Variants in ST3GAL2 observed in about 807,000 individuals in gnomAD.
The protein encoded by ST3GAL2 is ST3 beta-galactoside alpha-2,3-sialyltransferase 2.
ST3GAL2 carries 16 observed loss-of-function variants against 37.5 expected under a neutral mutation model. The observed-to-expected ratio is 0.43, with a 90% confidence interval of 0.29 to 0.65. The LOEUF is 0.65. ST3GAL2 is among the 30% of genes least tolerant of loss of function. ST3GAL2 has a pLI of 0.17. For missense variants in ST3GAL2, 383 were observed against 487.8 expected (o/e 0.79, Z 2.02); for synonymous variants, 238 against 202.9 (o/e 1.17, Z -1.47).
chr16:70,384,317 C>T (rs2047426738), intron 4 of ST3GAL2, among the ~76,000 whole-genome samples: 1 of 152,146 alleles, frequency 6.6e-6, no homozygotes, highest in African/African-American at 2.4e-5. Flanking sequence ...ACACATGCTA[C>T]AACACGGATG....
intron 1 of ST3GAL2, among the ~76,000 whole-genome samples, chr16:70,424,095 T>C (rs1416353466): frequency 2.0e-5 from 3 of 150,130 alleles, no homozygotes; most frequent in Non-Finnish European, 4.4e-5. Context: ...AAAGCCATTC[T>C]CCTGCCTCAG....
intron 1 of ST3GAL2, among the ~76,000 whole-genome samples, chr16:70,418,841 T>A (rs1416115241): frequency 6.6e-6 from 1 of 151,916 alleles, no homozygotes; most frequent in Non-Finnish European, 1.5e-5. Flanking sequence ...TCTTCAACCC[T>A]CTCCTCCCCC....
chr16:70,426,121 C>T (rs74026029), intron 1 of ST3GAL2, among the ~76,000 whole-genome samples: 5,093 of 150,430 alleles, frequency 0.034, 291 homozygotes, highest in African/African-American at 0.12. Flanking sequence ...TAGAACGTAA[C>T]AGGAAGTTAG....
chr16:70,414,340 C>T (rs1196870484), intron 1 of ST3GAL2, among the ~76,000 whole-genome samples: 1 of 152,194 alleles, frequency 6.6e-6, no homozygotes, highest in Non-Finnish European at 1.5e-5. Context: ...CATTCCAGTC[C>T]ACAGAGGGAT....
intron 1 of ST3GAL2, among the ~76,000 whole-genome samples, chr16:70,410,168 A>G (rs936255557): frequency 6.3e-5 from 7 of 110,636 alleles, no homozygotes; most frequent in African/African-American, 2.6e-4. Flanking sequence ...CTTATTCAGT[A>G]TTTTGTCTAC....
rs143807275 is a variant in ST3GAL2, at chr16:70,386,613, A to G, written c.713+1754T>C. Among the ~76,000 whole-genome samples, 430 of 152,068 alleles carry G rather than the reference A, an allele frequency of 2.8e-3. 3 individuals are homozygous for G. Among genetic ancestry groups the G allele is most frequent in the African/African-American group, 9.6e-3 (399 of 41,508 alleles). On this transcript the variant is annotated intron_variant, in intron 4 of 6. Coordinates refer to ENST00000342907, the MANE Select transcript of ST3GAL2 (RefSeq NM_006927.4). ...CGGCCTCCCAAAGGGCTGGGATTAC[A>G]GGCATGAACCACCATGCCCGGCCAA...
rs535645899 is a variant in ST3GAL2, at chr16:70,398,284, C to T, written c.247G>A (p.Asp83Asn). ...CCGTCAAAGTGGCTGTCAAACCAGT[C>T]GGAGGCACCGGCATCGCCCATGCAG... ...RRCMGDAGAS[D>N]WFDSHFDGNI... The change falls in exon 2 of 7, where the codon GAC becomes AAC. Residue 83 changes from aspartate to asparagine, a missense_variant. Transcript: ENST00000342907. The T allele has an allele frequency of 2.5e-5, 40 of 1,613,314 alleles. No homozygotes were observed. The South Asian group carries it at 3.6e-4, about 15-fold the overall frequency.
At chr16:70,416,796 A>G (rs182595285) in intron 1 of ST3GAL2, among the ~76,000 whole-genome samples, 25 of 152,128 alleles carry the variant, frequency 1.6e-4, no homozygotes, top group Admixed American at 6.5e-4. Flanking sequence ...GCCTGTGGGA[A>G]AGGGGTGTGC....
At chr16:70,437,034 G>A (rs1390983432) in intron 1 of ST3GAL2, among the ~76,000 whole-genome samples, 2 of 152,152 alleles carry the variant, frequency 1.3e-5, no homozygotes, top group African/African-American at 2.4e-5. Context: ...CGAGAAGAGT[G>A]GTCCTTACCC....
chr16:70,389,202 C>CAAAAA (rs1160368910), intron 3 of ST3GAL2, among the ~76,000 whole-genome samples: 379 of 27,370 alleles, frequency 0.014, 139 homozygotes, highest in East Asian at 0.062. Context: ...CCCATCTCTA[C>CAAAAA]AAAAAAAAAA....
chr16:70,376,775 C>G lies in ST3GAL2; in HGVS notation c.*4914G>C, dbSNP rs902019965. The G allele has an allele frequency of 6.6e-6, 1 of 151,420 alleles. No individual in the cohort carries two copies. The highest frequency in any genetic ancestry group is 2.4e-5 in the African/African-American group (1 of 41,186). 9.4% of individuals were successfully genotyped at this position (151,420 alleles called of 1,614,324 possible). On this transcript the variant is annotated 3_prime_UTR_variant, in exon 7 of 7. Transcript: ENST00000342907. Reference sequence around the variant, plus strand: ...TTTTTTTTTTTGAGACGGAGTCTTACTCTGTCGCTCAGGCTGGAGTGCAGT... The same window carrying G: ...TTTTTTTTTTTGAGACGGAGTCTTAGTCTGTCGCTCAGGCTGGAGTGCAGT...
At chr16:70,405,678 G>A (rs966554165) in intron 1 of ST3GAL2, among the ~76,000 whole-genome samples, 1 of 152,156 alleles carries the variant, frequency 6.6e-6, no homozygotes, top group Non-Finnish European at 1.5e-5. Flanking sequence ...CCAGGGGCTG[G>A]AGGATAGAGA....
At chr16:70,396,479 C>G (rs2047517142) in intron 2 of ST3GAL2, among the ~76,000 whole-genome samples, 1 of 152,072 alleles carries the variant, frequency 6.6e-6, no homozygotes, top group Non-Finnish European at 1.5e-5. Flanking sequence ...GTGGCACGTG[C>G]CTGTAGTCCC....
At chr16:70,437,763 T>C (rs2047835845) in intron 1 of ST3GAL2, among the ~76,000 whole-genome samples, 1 of 152,066 alleles carries the variant, frequency 6.6e-6, no homozygotes, top group Non-Finnish European at 1.5e-5. Flanking sequence ...CCCAGACTCC[T>C]CTTATGCCAC....
chr16:70,426,797 A>G (rs1471801805), intron 1 of ST3GAL2, among the ~76,000 whole-genome samples: 1 of 152,168 alleles, frequency 6.6e-6, no homozygotes, highest in African/African-American at 2.4e-5. Flanking sequence ...GGCGTGAGCC[A>G]CCGCGCCTGG....
chr16:70,386,003 G>A (rs768818225), intron 4 of ST3GAL2, among the ~76,000 whole-genome samples: 9 of 151,854 alleles, frequency 5.9e-5, no homozygotes, highest in Non-Finnish European at 1.0e-4. Context: ...CACTGCACCC[G>A]GCAGAACATG....
chr16:70,424,967 C>T (rs2047740415), intron 1 of ST3GAL2, among the ~76,000 whole-genome samples: 2 of 152,234 alleles, frequency 1.3e-5, no homozygotes, highest in South Asian at 4.1e-4. Context: ...ATTTGGTGCC[C>T]TTATTGGCCA....
intron 1 of ST3GAL2, among the ~76,000 whole-genome samples, chr16:70,412,157 C>CTT (rs2047642741): frequency 2.6e-5 from 4 of 152,182 alleles, no homozygotes; most frequent in African/African-American, 9.7e-5. Context: ...GGTGATAAAA[C>CTT]TGTCTTAGCC....
In ST3GAL2 at chr16:70,376,139, G is replaced by A. The variant is rs923732060; in HGVS notation, c.*5550C>T. 16 of 152,360 alleles carry A rather than the reference G, an allele frequency of 1.1e-4. 1 individual carries two copies. Among genetic ancestry groups the A allele is most frequent in the East Asian group, 5.8e-4 (3 of 5,190 alleles). The allele number at this position is 152,360 out of a possible 1,614,324, so 9.4% of individuals were successfully genotyped here. ...TGCCATGGCCCTGCGAAGGGGCAGC[G>A]TCTCTTCCCTCTGTGGTCCCCTTTA... On this transcript the variant is annotated 3_prime_UTR_variant, in exon 7 of 7. Transcript: ENST00000342907.
Sources: gnomAD v4.1 joint callset for allele counts (sites outside exome capture counted in the v4.1 genomes callset) on GRCh38, gnomAD v4.1.1 for gene constraint, MANE v1.5 for transcripts, NCBI Gene and HGNC (gene_info 2026-07-23, HGNC 2026-07-21) for gene names.